Variants in PDGFRA observed in about 807,000 individuals in gnomAD.
The protein encoded by PDGFRA is platelet derived growth factor receptor alpha.
A neutral mutation model predicts 121.5 loss-of-function variants in PDGFRA; 25 were observed. The ratio of observed to expected loss-of-function variants is 0.21; its 90% confidence interval spans 0.15 to 0.29. PDGFRA has a LOEUF of 0.29. Ranked by LOEUF, PDGFRA falls within the 10% of genes least tolerant of loss-of-function variation. PDGFRA has a pLI of 1.00. For missense variants in PDGFRA, 1,008 were observed against 1,345.1 expected (o/e 0.75, Z 3.92); for synonymous variants, 463 against 494.8 (o/e 0.94, Z 0.85).
chr4:54,253,914 A>G (rs1034611692), intron 1 of PDGFRA, among the ~76,000 whole-genome samples: 9 of 152,074 alleles, frequency 5.9e-5, no homozygotes, highest in Admixed American at 4.6e-4. Context: ...TGAACTCCTG[A>G]CCTCAAGTGA....
chr4:54,285,038 C>A (rs999303439), intron 16 of PDGFRA, among the ~76,000 whole-genome samples: 5 of 151,838 alleles, frequency 3.3e-5, no homozygotes, highest in Non-Finnish European at 5.9e-5. Context: ...GGATTACAGG[C>A]ACATGCCACC....
Position 54,232,975 on chromosome 4 carries a change from C to A in PDGFRA, c.-13+3560C>A, listed in dbSNP as rs547261005. On this transcript the variant is annotated intron_variant, in intron 1 of 22. Transcript: ENST00000257290. ...TACCCACGGCCGTGCGGCTCTCGTG[C>A]CCATAGGAGGCGCTGGCGAGCTCCT... is the stretch of plus-strand genomic sequence containing the variant. Among the ~76,000 whole-genome samples, 927 of 152,324 alleles carry A rather than the reference C, an allele frequency of 6.1e-3. 6 individuals are homozygous for A. Among genetic ancestry groups the A allele is most frequent in the African/African-American group, 0.02 (841 of 41,588 alleles).
chr4:54,294,451 T>C (rs1303568950), intron 22 of PDGFRA, among the ~76,000 whole-genome samples: 1 of 152,188 alleles, frequency 6.6e-6, no homozygotes, highest in East Asian at 1.9e-4. Flanking sequence ...GCTGCAGAAT[T>C]TGACACGCCA....
At chr4:54,248,130 G>T (rs1721806069) in intron 1 of PDGFRA, among the ~76,000 whole-genome samples, 1 of 152,126 alleles carries the variant, frequency 6.6e-6, no homozygotes. Context: ...CATGAAAATG[G>T]CCATACTGCC....
intron 15 of PDGFRA, 77 bp downstream of exon 15, chr4:54,278,592 A>G (rs2110317986): frequency 3.5e-6 from 5 of 1,417,992 alleles, no homozygotes; most frequent in Non-Finnish European, 4.0e-6. Flanking sequence ...GTCCTGATAG[A>G]TATCATGTCT....
chr4:54,243,821 G>C (rs1436861927), intron 1 of PDGFRA: 1 of 152,362 alleles, frequency 6.6e-6, no homozygotes, highest in African/African-American at 2.4e-5. Context: ...TCAAAGAAAG[G>C]GGTGACAGAC....
intron 22 of PDGFRA, among the ~76,000 whole-genome samples, chr4:54,293,043 A>C (rs1284973296): frequency 6.6e-6 from 1 of 152,206 alleles, no homozygotes; most frequent in African/African-American, 2.4e-5. Context: ...GTTAAAAAAA[A>C]ATTATCATAC....
intron 1 of PDGFRA, among the ~76,000 whole-genome samples, chr4:54,242,870 A>G (rs1721383870): frequency 6.6e-6 from 1 of 152,218 alleles, no homozygotes; most frequent in African/African-American, 2.4e-5. Context: ...GTTCTCCCTC[A>G]GAATCCAAGG....
In PDGFRA at chr4:54,265,063, A is replaced by G; in HGVS notation, c.759+14A>G. 1 of 1,613,258 alleles carries G rather than the reference A, an allele frequency of 6.2e-7. No individual in the cohort carries two copies. Among genetic ancestry groups the G allele is most frequent in the East Asian group, 2.2e-5 (1 of 44,868 alleles). On this transcript the variant is annotated intron_variant, in intron 5 of 22. Transcript: ENST00000257290. ...CCTGGAGAAGTGGTAGGTACCCTCAAAACGTGCAATGGCTTGGAGCAGAGC... is the reference window on the plus strand; with the variant it reads ...CCTGGAGAAGTGGTAGGTACCCTCAGAACGTGCAATGGCTTGGAGCAGAGC...
intron 3 of PDGFRA, among the ~76,000 whole-genome samples, chr4:54,261,885 T>G (rs954319150): frequency 3.5e-5 from 5 of 141,714 alleles, no homozygotes; most frequent in African/African-American, 1.3e-4. Flanking sequence ...TCTTTTTCCT[T>G]TTAAAAAAGT....
intron 4 of PDGFRA, chr4:54,264,578 T>G: frequency 3.0e-6 from 1 of 337,794 alleles, no homozygotes; most frequent in Non-Finnish European, 5.6e-6. Flanking sequence ...GCAGTGTGGA[T>G]CAGCAAATGT....
intron 12 of PDGFRA, among the ~76,000 whole-genome samples, chr4:54,276,413 CCT>C (rs1199689616): frequency 6.6e-6 from 1 of 152,150 alleles, no homozygotes; most frequent in African/African-American, 2.4e-5. Context: ...TTGCAATTCC[CCT>C]GTCTTGGTAA....
chr4:54,239,688 G>A (rs2110185349), intron 1 of PDGFRA, among the ~76,000 whole-genome samples: 1 of 152,330 alleles, frequency 6.6e-6, no homozygotes. Flanking sequence ...GAAAGTGGCT[G>A]TGAGGCCTCT....
intron 16 of PDGFRA, among the ~76,000 whole-genome samples, chr4:54,283,151 G>A (rs531618117): frequency 6.2e-4 from 95 of 152,268 alleles, no homozygotes; most frequent in African/African-American, 1.8e-3. Context: ...GTAGCTTCAC[G>A]AGGCAGTGCC....
At chr4:54,255,294 A>G (rs1286921828) in intron 1 of PDGFRA, among the ~76,000 whole-genome samples, 1 of 152,028 alleles carries the variant, frequency 6.6e-6, no homozygotes, top group African/African-American at 2.4e-5. Flanking sequence ...GAAGCTTGCT[A>G]CCTTTCACTC....
chr4:54,245,857 G>A (rs1211371173), intron 1 of PDGFRA, among the ~76,000 whole-genome samples: 3 of 152,018 alleles, frequency 2.0e-5, no homozygotes, highest in Non-Finnish European at 1.5e-5. Flanking sequence ...CAAAATAAAA[G>A]GATGGAGGAA....
intron 1 of PDGFRA, among the ~76,000 whole-genome samples, chr4:54,245,437 C>T (rs1013878957): frequency 5.9e-5 from 9 of 151,632 alleles, no homozygotes; most frequent in African/African-American, 2.2e-4. Context: ...GAATTTTCAA[C>T]CCAGAATTTC....
chr4:54,267,419 G>A lies in PDGFRA; in HGVS notation c.890G>A (p.Arg297Lys), dbSNP rs1060501507. ...GAATGTGCTGCCCGCCAGGCTACCA[G>A]GGAGGTCAAAGAAATGAAGAAAGTC... ...DYECAARQATREVKEMKKVTI... is the reference protein window; with the variant it reads ...DYECAARQATKEVKEMKKVTI... Residue 297 changes from arginine (R) to lysine (K), a missense_variant, in exon 6 of 23, where the codon AGG becomes AAG. Transcript: ENST00000257290. The A allele has an allele frequency of 6.2e-7, 1 of 1,614,054 alleles. No individual in the cohort carries two copies. The highest frequency in any genetic ancestry group is 8.5e-7 in the Non-Finnish European group (1 of 1,180,040).
At chr4:54,241,336 A>G (rs1260979786) in intron 1 of PDGFRA, among the ~76,000 whole-genome samples, 1 of 152,128 alleles carries the variant, frequency 6.6e-6, no homozygotes, top group Non-Finnish European at 1.5e-5. Flanking sequence ...TTTATGAGAA[A>G]GGATCTTATA....
Sources: allele counts gnomAD v4.1 joint callset (sites outside exome capture counted in the v4.1 genomes callset), GRCh38; gene constraint gnomAD v4.1.1; transcripts MANE v1.5; gene names NCBI Gene and HGNC (gene_info 2026-07-23, HGNC 2026-07-21).